Variants in EFCAB7 observed in about 807,000 individuals in gnomAD.
EFCAB7 encodes EF-hand calcium binding domain 7.
Under a neutral mutation model 77.1 loss-of-function variants are expected in EFCAB7, and 66 were observed. The observed-to-expected ratio is 0.86, with a 90% CI of 0.70 to 1.05. The LOEUF is 1.05. Among genes scored for constraint, EFCAB7 ranks in the 50% least tolerant of loss-of-function variants. EFCAB7 has a pLI of 0.00. For missense variants in EFCAB7, 638 were observed against 730.5 expected (o/e 0.87, Z 1.46); for synonymous variants, 225 against 243.3 (o/e 0.92, Z 0.70).
chr1:63,557,114 G>A lies in EFCAB7; in HGVS notation c.1215G>A (p.Lys405=), dbSNP rs1647040647. ...TGELFLTKEF[K]STLSDIFEVI... is the part of the protein sequence containing the mutation. The stretch of plus-strand genomic sequence containing the variant: ...TAACTAGCTATTTTTATAATTTTAG[G>A]TCTACTTTATCAGATATATTTGAAG... The change falls in exon 10 of 14, where the codon AAG becomes AAA. Residue 405 remains lysine, a splice_region_variant and synonymous_variant. Transcript: ENST00000371088. 3 of 1,566,092 alleles carry A rather than the reference G, an allele frequency of 1.9e-6. No homozygotes were observed. The highest frequency in any genetic ancestry group is 2.6e-6 in the Non-Finnish European group (3 of 1,161,852).
intron 6 of EFCAB7, among the ~76,000 whole-genome samples, chr1:63,536,477 T>C (rs1044630809): frequency 6.6e-6 from 1 of 152,118 alleles, no homozygotes; most frequent in Non-Finnish European, 1.5e-5. Flanking sequence ...ACCTTCCAGG[T>C]TCAAGTGATT....
intron 2 of EFCAB7, among the ~76,000 whole-genome samples, chr1:63,531,276 C>A (rs577513819): frequency 6.6e-6 from 1 of 151,856 alleles, no homozygotes; most frequent in Non-Finnish European, 1.5e-5. Flanking sequence ...AAGTGAGATA[C>A]GCTGTATTTG....
At position 63,539,299 on chromosome 1, in the gene EFCAB7, G is replaced by A. The variant is rs144167186; in HGVS notation, c.804+5083G>A. On this transcript the variant is annotated intron_variant, in intron 6 of 13. Transcript: ENST00000371088. ...ACCATTTTTTTAAAGCTGGGGGTAG[G>A]GCTGCTGTGCTGATGATTACAGTAC... 7.8e-3 allele frequency among the ~76,000 whole-genome samples: 1,192 copies of A among 152,092 alleles called. 13 individuals are homozygous for A. The highest frequency in any genetic ancestry group is 0.026 in the African/African-American group (1,079 of 41,488).
chr1:63,530,159 A>G (rs886189557), intron 2 of EFCAB7, among the ~76,000 whole-genome samples: 2 of 152,204 alleles, frequency 1.3e-5, no homozygotes, highest in African/African-American at 4.8e-5. Context: ...ATCTGTATTT[A>G]TTACCCTGAT....
At chr1:63,531,456 C>T (rs771825627) in intron 2 of EFCAB7, among the ~76,000 whole-genome samples, 2 of 152,072 alleles carry the variant, frequency 1.3e-5, no homozygotes, top group Non-Finnish European at 2.9e-5. Context: ...GTCCCCCAAA[C>T]AATTAAGTGG....
chr1:63,551,593 A>C (rs527248420), intron 7 of EFCAB7, 132 bp from the exon 8 acceptor site: 2 of 320,086 alleles, frequency 6.2e-6, no homozygotes, highest in African/African-American at 7.9e-5. Flanking sequence ...TCCGTCTTGA[A>C]AAAAAAAAAC....
chr1:63,550,955 A>G (rs1438159352), intron 7 of EFCAB7: 5 of 152,352 alleles, frequency 3.3e-5, no homozygotes, highest in African/African-American at 1.2e-4. Flanking sequence ...CAGTTTTGGA[A>G]ATAGAAATCT....
intron 6 of EFCAB7, among the ~76,000 whole-genome samples, chr1:63,540,992 A>G (rs563050904): frequency 6.6e-6 from 1 of 152,294 alleles, no homozygotes; most frequent in South Asian, 2.1e-4. Flanking sequence ...GTTAATATCT[A>G]AAATAGTCAA....
intron 6 of EFCAB7, 78 bp from the exon 7 acceptor site, chr1:63,545,838 T>C: frequency 8.5e-7 from 1 of 1,179,056 alleles, no homozygotes; most frequent in Admixed American, 2.1e-5. Context: ...TATATCCCCC[T>C]GTGTTTTCTC....
rs1406531601 is a variant in EFCAB7 at position 63,571,125 on chromosome 1, A to G, written c.1812A>G (p.Thr604=). Residue 604 remains threonine, a synonymous_variant, in exon 13 of 14, where the codon ACA becomes ACG. Coordinates refer to ENST00000371088, the MANE Select transcript of EFCAB7 (RefSeq NM_032437.4). Reference sequence around the variant, plus strand: ...CAGTAGAAGTGGGACCCAAATCTACAATGGTAATGTATTATTTTCTAATTA... The same window carrying G: ...CAGTAGAAGTGGGACCCAAATCTACGATGGTAATGTATTATTTTCTAATTA... ...IFAVEVGPKS[T]MVCQHVMPLN... 4 of 1,600,154 alleles carry G rather than the reference A, an allele frequency of 2.5e-6. No individual in the cohort carries two copies. Among genetic ancestry groups the G allele is most frequent in the Non-Finnish European group, 3.4e-6 (4 of 1,171,400 alleles).
chr1:63,584,126 C>G, the EFCAB7 span, among the ~76,000 whole-genome samples: 1 of 152,170 alleles, frequency 6.6e-6, no homozygotes, highest in African/African-American at 2.4e-5. Flanking sequence ...ATGAGACAGT[C>G]TGGCATAAGG....
intron 11 of EFCAB7, among the ~76,000 whole-genome samples, chr1:63,565,833 T>C (rs574449660): frequency 7.3e-4 from 111 of 152,250 alleles, no homozygotes; most frequent in African/African-American, 2.6e-3. Flanking sequence ...ATGGCTATTA[T>C]TAAAAAGTCA....
At chr1:63,573,162 C>T (rs1366099718), downstream of EFCAB7, among the ~76,000 whole-genome samples, 6 of 151,654 alleles carry the variant, frequency 4.0e-5, 1 homozygote, top group African/African-American at 1.2e-4. Context: ...GTTGGGGCGG[C>T]GAAAATTTTT....
chr1:63,527,732 A>C (rs1646620192), intron 2 of EFCAB7: 1 of 152,192 alleles, frequency 6.6e-6, no homozygotes, highest in Admixed American at 6.5e-5. Flanking sequence ...CTGCTTACTG[A>C]GTACATGTTT....
the EFCAB7 span, among the ~76,000 whole-genome samples, chr1:63,579,899 T>G: frequency 6.6e-6 from 1 of 152,202 alleles, no homozygotes; most frequent in African/African-American, 2.4e-5. Flanking sequence ...ATTAGGTTAT[T>G]TGTTTTCTTA....
intron 11 of EFCAB7, among the ~76,000 whole-genome samples, chr1:63,566,403 C>T (rs1266310275): frequency 6.6e-6 from 1 of 152,088 alleles, no homozygotes; most frequent in Non-Finnish European, 1.5e-5. Context: ...GGGTACTGGG[C>T]TTACTACCTG....
chr1:63,528,765 A>G (rs1487094299), intron 2 of EFCAB7, among the ~76,000 whole-genome samples: 1 of 152,180 alleles, frequency 6.6e-6, no homozygotes, highest in African/African-American at 2.4e-5. Flanking sequence ...GAAATTTTGC[A>G]GGAAATTTTA....
chr1:63,534,571 A>G (rs1646741151), intron 6 of EFCAB7, among the ~76,000 whole-genome samples: 1 of 152,136 alleles, frequency 6.6e-6, no homozygotes, highest in South Asian at 2.1e-4. Context: ...GAGAATGACA[A>G]CAAAGTCACT....
At chr1:63,553,581 G>A (rs1349104513) in intron 8 of EFCAB7, among the ~76,000 whole-genome samples, 3 of 152,024 alleles carry the variant, frequency 2.0e-5, no homozygotes, top group African/African-American at 7.2e-5. Context: ...CTCATGATCC[G>A]CCTGCCTTGG....
Sources: gnomAD v4.1 joint callset for allele counts (sites outside exome capture counted in the v4.1 genomes callset) on GRCh38, gnomAD v4.1.1 for gene constraint, MANE v1.5 for transcripts, NCBI Gene and HGNC (gene_info 2026-07-23, HGNC 2026-07-21) for gene names.